Variants in RYR3 observed in about 807,000 individuals in gnomAD.
RYR3 encodes the protein brain ryanodine receptor-calcium release channel.
RYR3 carries 207 observed loss-of-function variants against 584.3 expected under a neutral mutation model. That is an observed-to-expected ratio of 0.35 (90% confidence interval 0.32 to 0.40). RYR3 has a LOEUF of 0.40. Among genes scored for constraint, RYR3 ranks in the 10% least tolerant of loss-of-function variants. The pLI, the probability that RYR3 is intolerant of heterozygous loss-of-function variation, is 1.00. For missense variants in RYR3, 5,616 were observed against 6,089.2 expected, an observed-to-expected ratio of 0.92 and a Z score of 2.59; for synonymous variants, 2,416 against 2,248.5, an observed-to-expected ratio of 1.07 and a Z score of -2.11.
At chr15:33,719,231 G>A (rs2067721199) in intron 43 of RYR3, among the ~76,000 whole-genome samples, 1 of 152,214 alleles carries the variant, frequency 6.6e-6, no homozygotes, top group Non-Finnish European at 1.5e-5. Flanking sequence ...GGCTTCCTGG[G>A]TCACTTGCAG....
At chr15:33,837,160 C>T (rs189652520) in intron 88 of RYR3, among the ~76,000 whole-genome samples, 173 bp downstream of exon 88, 19 of 152,290 alleles carry the variant, frequency 1.2e-4, no homozygotes, top group Non-Finnish European at 2.1e-4. Context: ...GTCTGACGGA[C>T]GAAGCCTGAA....
At chr15:33,680,753 G>A (rs1349597023) in intron 38 of RYR3, among the ~76,000 whole-genome samples, 1 of 152,224 alleles carries the variant, frequency 6.6e-6, no homozygotes, top group East Asian at 1.9e-4. Flanking sequence ...AGAAAACTGT[G>A]CAAAAGCAGG....
intron 1 of RYR3, among the ~76,000 whole-genome samples, chr15:33,427,001 C>T (rs1459770155): frequency 6.6e-6 from 1 of 152,150 alleles, no homozygotes; most frequent in Non-Finnish European, 1.5e-5. Flanking sequence ...TCCCAAAAGC[C>T]CCTCCTCCAA....
At chr15:33,843,329 G>A (rs1157162121) in intron 91 of RYR3, among the ~76,000 whole-genome samples, 159 bp from the exon 92 acceptor site, 1 of 150,942 alleles carries the variant, frequency 6.6e-6, no homozygotes, top group Non-Finnish European at 1.5e-5. Context: ...CAAAAAAAAA[G>A]AAAGAAAAGA....
At chr15:33,799,384 G>A (rs2075792598) in intron 67 of RYR3, among the ~76,000 whole-genome samples, 1 of 152,118 alleles carries the variant, frequency 6.6e-6, no homozygotes, top group South Asian at 2.1e-4. Context: ...TGGATATTGA[G>A]TTTAATAACC....
chr15:33,435,357 T>C (rs1010951844), intron 1 of RYR3, among the ~76,000 whole-genome samples: 3 of 152,328 alleles, frequency 2.0e-5, no homozygotes, highest in African/African-American at 2.4e-5. Context: ...CGTATAGTGA[T>C]ATATATGGTT....
chr15:33,661,355 C>G (rs1048171186), intron 34 of RYR3, among the ~76,000 whole-genome samples: 1 of 152,180 alleles, frequency 6.6e-6, no homozygotes, highest in Admixed American at 6.5e-5. Flanking sequence ...GAAGGTGTTT[C>G]CTCTCTGGAC....
chr15:33,499,295 TCCCTCCTCC>T (rs1270781744), intron 2 of RYR3, among the ~76,000 whole-genome samples: 2 of 150,014 alleles, frequency 1.3e-5, no homozygotes, highest in Non-Finnish European at 1.5e-5. Flanking sequence ...TCCCCATCTC[TCCCTCCTCC>T]CCCTCCTCCC....
rs758486156 is a variant in RYR3 at position 33,562,950 on chromosome 15, G to C, written c.1086G>C (p.Leu362=). The C allele has an allele frequency of 3.1e-6, 5 of 1,613,624 alleles. No homozygotes were observed. In the East Asian group the frequency reaches 1.1e-4, roughly 36 times the overall value. The change falls in exon 11 of 104, where the codon CTG becomes CTC. Residue 362 remains leucine, a synonymous_variant. Transcript: ENST00000634891. Reference sequence around the variant, plus strand: ...TTGTGCAGCATATAGCCAGTGGTCTGTGGGTGACCTACAAAGCACAAGACG... The same window carrying C: ...TTGTGCAGCATATAGCCAGTGGTCTCTGGGTGACCTACAAAGCACAAGACG... ...VCFVQHIASG[L]WVTYKAQDAK...
At chr15:33,843,630 G>A (rs547289417) in intron 92 of RYR3, 56 bp downstream of exon 92, 8 of 1,118,798 alleles carry the variant, frequency 7.2e-6, no homozygotes, top group Non-Finnish European at 1.0e-5. Context: ...AGTATGCTAT[G>A]TGTAGAAAAA....
At chr15:33,755,865 G>C (rs2071769254) in intron 58 of RYR3, among the ~76,000 whole-genome samples, 1 of 152,036 alleles carries the variant, frequency 6.6e-6, no homozygotes, top group Non-Finnish European at 1.5e-5. Flanking sequence ...TGCCTCCCAG[G>C]TTCAAGCAAT....
At chr15:33,572,539 G>A (rs7167970) in intron 12 of RYR3, among the ~76,000 whole-genome samples, 94,857 of 150,886 alleles carry the variant, frequency 0.63, 31,460 homozygotes, top group Middle Eastern at 0.76. Flanking sequence ...CTGCCCTGTT[G>A]GAGCTGTTTT....
chr15:33,813,591 G>A lies in RYR3; in HGVS notation c.10502+12G>A. 1.2e-6 allele frequency: 2 copies of A among 1,608,718 alleles called. No individual in the cohort carries two copies. The highest frequency in any genetic ancestry group is 1.1e-5 in the South Asian group (1 of 90,934). On this transcript the variant is annotated intron_variant, in intron 74 of 103. Transcript: ENST00000634891. ...TACAACCTGCCCAGGCAAGTATTTTGTCTTTTTTCCTGGCATGTAAGCCAG... is the reference window on the plus strand; with the variant it reads ...TACAACCTGCCCAGGCAAGTATTTTATCTTTTTTCCTGGCATGTAAGCCAG...
chr15:33,827,318 T>G (rs1244473753), intron 85 of RYR3, 31 bp downstream of exon 85: 19 of 1,532,924 alleles, frequency 1.2e-5, no homozygotes, highest in Non-Finnish European at 1.6e-5. Flanking sequence ...CAATGGGACC[T>G]CTCACCTTTG....
intron 2 of RYR3, among the ~76,000 whole-genome samples, chr15:33,494,829 TTTTAA>T (rs953658981): frequency 6.6e-6 from 1 of 152,230 alleles, no homozygotes; most frequent in African/African-American, 2.4e-5. Flanking sequence ...CAAAATACCT[TTTTAA>T]TTTAAGAAAG....
intron 47 of RYR3, among the ~76,000 whole-genome samples, chr15:33,731,245 A>ATT (rs1381660770): frequency 5.0e-5 from 7 of 140,100 alleles, no homozygotes; most frequent in African/African-American, 1.8e-4. Flanking sequence ...CTTTGTTATG[A>ATT]TTTTTTTGTG....
chr15:33,718,771 T>G (rs762268742), intron 43 of RYR3, among the ~76,000 whole-genome samples: 10 of 152,188 alleles, frequency 6.6e-5, no homozygotes, highest in Admixed American at 3.3e-4. Context: ...ATCATTTCCA[T>G]TTCCATCCAA....
intron 10 of RYR3, among the ~76,000 whole-genome samples, chr15:33,561,329 C>G (rs1235965862): frequency 6.6e-6 from 1 of 152,206 alleles, no homozygotes; most frequent in Non-Finnish European, 1.5e-5. Context: ...GAGACTAACT[C>G]TTCCTTTACA....
intron 61 of RYR3, 44 bp from the exon 62 acceptor site, chr15:33,769,068 G>C (rs374151027): frequency 6.9e-7 from 1 of 1,447,020 alleles, no homozygotes; most frequent in African/African-American, 1.4e-5. Context: ...TGAAAGACAG[G>C]CTGAGTGGTT....
Sources: allele counts gnomAD v4.1 joint callset (sites outside exome capture counted in the v4.1 genomes callset), GRCh38; gene constraint gnomAD v4.1.1; transcripts MANE v1.5; gene names NCBI Gene and HGNC (gene_info 2026-07-23, HGNC 2026-07-21).